Variants in PKN3 observed in about 807,000 individuals in gnomAD.
PKN3 encodes serine/threonine-protein kinase N3.
Under a neutral mutation model 113.1 loss-of-function variants are expected in PKN3, and 91 were observed. The ratio of observed to expected loss-of-function variants is 0.80; its 90% CI spans 0.68 to 0.96. PKN3 has a LOEUF of 0.96. PKN3 is among the 40% of genes least tolerant of loss of function. The pLI is 0.00. For missense variants in PKN3, 1,052 were observed against 1,202.2 expected, an observed-to-expected ratio of 0.88 and a Z score of 1.85; for synonymous variants, 467 against 499.0, an observed-to-expected ratio of 0.94 and a Z score of 0.85.
Position 128,720,758 on chromosome 9 carries a change from C to A in PKN3, c.*152C>A, listed in dbSNP as rs115703206. The A allele has an allele frequency of 9.4e-4, 646 of 688,540 alleles. 3 individuals carry two copies. In the African/African-American group the frequency reaches 0.011, roughly 11 times the overall value. The allele number at this position is 688,540 out of a possible 1,614,324, so 42.7% of individuals were successfully genotyped here. A position where few individuals can be genotyped will look rare whatever the true frequency, so the allele number is the denominator to read the frequency against. ...GCAGCCATGGGGCCACTGTTGTGGG[C>A]TTTGCTCAGTGTCACTGGGCAAAGT... On this transcript the variant is annotated 3_prime_UTR_variant, in exon 22 of 22. Coordinates refer to ENST00000291906, the MANE Select transcript of PKN3 (RefSeq NM_013355.5). This position sits in a 1 kb window ranked among gnomAD's most constrained non-coding sequence, Gnocchi z 5.5.
At chr9:128,710,916 A>G (rs1002674044) in intron 6 of PKN3, among the ~76,000 whole-genome samples, 6 of 152,136 alleles carry the variant, frequency 3.9e-5, no homozygotes, top group African/African-American at 9.7e-5. Flanking sequence ...CTAGAAGTCA[A>G]CTACTCAAGG....
chr9:128,720,634 T>C lies in PKN3; in HGVS notation c.*28T>C. ...GCATCTCCTGGCACCTCTGTCCCCT[T>C]CCCCCACAGACTGTTAGAGCCTCTG... On this transcript the variant is annotated 3_prime_UTR_variant, in exon 22 of 22. Coordinates refer to ENST00000291906, the MANE Select transcript of PKN3 (RefSeq NM_013355.5). The surrounding 1 kb of genome is among the most constrained non-coding windows in gnomAD (Gnocchi z 5.5). 1.3e-6 allele frequency: 2 copies of C among 1,583,620 alleles called. No homozygotes were observed. The highest frequency in any genetic ancestry group is 1.7e-6 in the Non-Finnish European group (2 of 1,156,596).
Position 128,705,450 on chromosome 9 carries a change from C to T in PKN3, c.172C>T (p.Arg58Trp), listed in dbSNP as rs548837083. Residue 58 changes from arginine to tryptophan, a missense_variant, in exon 2 of 22, where the codon CGG (arginine) becomes TGG (tryptophan). Arg to Trp is a moderately radical substitution (Grantham distance 101, BLOSUM62 -3). Transcript: ENST00000291906. ...CTTGGGCCATGTGCAGCAGCTGCTG[C>T]GGTCCTCCAACCGCCGCCTGGAGCA... ...RHLGHVQQLL[R>W]SSNRRLEQLH... The T allele has an allele frequency of 1.5e-5, 24 of 1,578,558 alleles. No homozygotes were observed. The highest frequency in any genetic ancestry group is 4.6e-5 in the South Asian group (4 of 86,612).
In PKN3 at chr9:128,715,378, G is replaced by A; in HGVS notation, c.1726G>A (p.Val576Ile). 1 of 1,613,948 alleles carries A rather than the reference G, an allele frequency of 6.2e-7. No individual in the cohort carries two copies. Among genetic ancestry groups the A allele is most frequent in the Non-Finnish European group, 8.5e-7 (1 of 1,179,904 alleles). The change falls in exon 15 of 22, where the codon GTC (valine) becomes ATC (isoleucine). Residue 576 changes from valine to isoleucine, a missense_variant. By Grantham distance (29) the Val-to-Ile change is conservative. Transcript: ENST00000291906. This position sits in a 1 kb window ranked among gnomAD's most constrained non-coding sequence, Gnocchi z 4.1. ...CTCTCTCTGGCCCCAGGTCCTCCTGGTCCAGTTCAAGGGGACAGGGAAATA... is the reference window on the plus strand; with the variant it reads ...CTCTCTCTGGCCCCAGGTCCTCCTGATCCAGTTCAAGGGGACAGGGAAATA... ...GRGHFGKVLLVQFKGTGKYYA... is the reference protein window; with the variant it reads ...GRGHFGKVLLIQFKGTGKYYA...
intron 1 of PKN3, 130 bp downstream of exon 1, chr9:128,703,069 T>C (rs955561978): frequency 7.6e-6 from 5 of 654,234 alleles, no homozygotes; most frequent in Admixed American, 4.2e-5. Flanking sequence ...GCCCCTGCCC[T>C]GGCCCCGGCC....
At position 128,719,962 on chromosome 9, in the gene PKN3, T is replaced by A; in HGVS notation, c.2321T>A (p.Met774Lys). Residue 774 changes from methionine to lysine, a missense_variant, in exon 20 of 22, where the codon ATG becomes AAG. By Grantham distance (95) the Met-to-Lys change is moderately conservative. Around this residue, in one of 2 missense-constraint regions of PKN3, gnomAD observed 333 missense variants for 442.8 expected, o/e 0.75. Transcript: ENST00000291906. ...EEEVFDCIVN[M>K]DAPYPGFLSV... ...GAGGTGTTTGACTGCATCGTCAACA[T>A]GGACGCCCCCTACCCCGGCTTTCTG... The A allele has an allele frequency of 6.2e-7, 1 of 1,614,112 alleles. No homozygotes were observed. Among genetic ancestry groups the A allele is most frequent in the Non-Finnish European group, 8.5e-7 (1 of 1,180,008 alleles).
At chr9:128,704,146 G>T in intron 1 of PKN3, 1 of 985,382 alleles carries the variant, frequency 1.0e-6, no homozygotes, top group Non-Finnish European at 1.2e-6. Flanking sequence ...TGGGGTTCCT[G>T]CAACAGCCCG....
At position 128,702,879 on chromosome 9, in the gene PKN3, G is replaced by A. The variant is rs1480847473; in HGVS notation, c.-37G>A. 6.9e-7 allele frequency: 1 copy of A among 1,456,856 alleles called. No individual in the cohort carries two copies. The highest frequency in any genetic ancestry group is 1.3e-5 in the South Asian group (1 of 79,462). The allele number at this position is 1,456,856 out of a possible 1,614,324, so 90.2% of individuals were successfully genotyped here. On this transcript the variant is annotated 5_prime_UTR_variant, in exon 1 of 22. Coordinates refer to ENST00000291906, the MANE Select transcript of PKN3 (RefSeq NM_013355.5). ...GGTCTGCGGCTTCCGGGACCGGAGT[G>A]GCTGAGAGAAGGGCCCCAAGCGGCC...
chr9:128,705,248 T>A, intron 1 of PKN3, 55 bp from the exon 2 acceptor site: 2 of 1,542,582 alleles, frequency 1.3e-6, no homozygotes, highest in South Asian at 2.4e-5. Flanking sequence ...AGGCTGCTGG[T>A]GGCCGCTGCA....
Position 128,715,683 on chromosome 9 carries a change from C to T in PKN3, c.1808+223C>T, listed in dbSNP as rs1427984584. ...AAATGGGGGCATTGGTGGCTGTGCA[C>T]GTTCAGAGCTCCTTGTGAGCCCCTG... is the stretch of plus-strand genomic sequence containing the variant. On this transcript the variant is annotated intron_variant, in intron 15 of 21. Transcript: ENST00000291906. This position sits in a 1 kb window ranked among gnomAD's most constrained non-coding sequence, Gnocchi z 4.1. 6.6e-6 allele frequency among the ~76,000 whole-genome samples: 1 copy of T among 152,162 alleles called. No individual in the cohort carries two copies.
Position 128,714,052 on chromosome 9 carries a change from T to C in PKN3, c.1243T>C (p.Phe415Leu). The C allele has an allele frequency of 6.2e-7, 1 of 1,614,050 alleles. No individual in the cohort carries two copies. The highest frequency in any genetic ancestry group is 8.5e-7 in the Non-Finnish European group (1 of 1,179,964). Residue 415 changes from phenylalanine to leucine, a missense_variant, in exon 10 of 22, where the codon TTC (phenylalanine) becomes CTC (leucine). This residue lies in a region of PKN3 where 719 missense variants were observed against 759.4 expected (regional missense o/e 0.95). Coordinates refer to ENST00000291906, the MANE Select transcript of PKN3 (RefSeq NM_013355.5). ...CCTGCCCCTACCCCTGCAGGTGACC[T>C]TCTGCGATCCTGTCATTGAGAGGCG... ...PQGLLFAQVT[F>L]CDPVIERRPR...
At chr9:128,712,857 A>G (rs1472195068) in intron 6 of PKN3, among the ~76,000 whole-genome samples, 195 bp from the exon 7 acceptor site, 1 of 152,132 alleles carries the variant, frequency 6.6e-6, no homozygotes, top group Non-Finnish European at 1.5e-5. Context: ...CAGGACAGTC[A>G]GCAGGCTCCA....
At position 128,706,789 on chromosome 9, in the gene PKN3, TCAGCAG is replaced by T; in HGVS notation, c.490_495del (p.Ser164_Ser165del). 2 of 1,610,786 alleles carry T rather than the reference TCAGCAG, an allele frequency of 1.2e-6. No homozygotes were observed. Among genetic ancestry groups the T allele is most frequent in the Non-Finnish European group, 1.7e-6 (2 of 1,178,126 alleles). ...AAGGTGGCCCTGCTGCGGATGAAGA[TCAGCAG>T]CCTGGAGGCCAGTGGGTCCCCGGAG... On this transcript the variant is annotated inframe_deletion, in exon 4 of 22. Coordinates refer to ENST00000291906, the MANE Select transcript of PKN3 (RefSeq NM_013355.5).
intron 9 of PKN3, among the ~76,000 whole-genome samples, 194 bp downstream of exon 9, chr9:128,713,836 C>T (rs1482401919): frequency 6.6e-6 from 1 of 152,230 alleles, no homozygotes; most frequent in Non-Finnish European, 1.5e-5. Context: ...TGCCCTGCCT[C>T]AGGTGTGACC....
At chr9:128,716,986 C>T in intron 16 of PKN3, 63 bp downstream of exon 16, 2 of 1,375,260 alleles carry the variant, frequency 1.5e-6, no homozygotes, top group Non-Finnish European at 2.1e-6. Flanking sequence ...TACACCCACT[C>T]TCTACATACT....
intron 18 of PKN3, 68 bp downstream of exon 18, chr9:128,718,693 G>A: frequency 7.1e-7 from 1 of 1,403,340 alleles, no homozygotes; most frequent in Non-Finnish European, 1.0e-6. Context: ...AGGATGATGG[G>A]CACATGGCAT....
At chr9:128,703,639 T>C (rs1661508507) in intron 1 of PKN3, 1 of 984,612 alleles carries the variant, frequency 1.0e-6, no homozygotes, top group African/African-American at 1.8e-5. Context: ...CGGACAGGAG[T>C]GGGTCCCCGC....
intron 16 of PKN3, among the ~76,000 whole-genome samples, chr9:128,717,771 A>G (rs1487107764): frequency 7.0e-6 from 1 of 143,816 alleles, no homozygotes; most frequent in East Asian, 2.1e-4. Flanking sequence ...TGTAATCCCC[A>G]CACTTTGGGA....
chr9:128,718,644 G>C lies in PKN3; in HGVS notation c.2125+19G>C, dbSNP rs754539564. On this transcript the variant is annotated intron_variant, in intron 18 of 21. Coordinates refer to ENST00000291906, the MANE Select transcript of PKN3 (RefSeq NM_013355.5). ...AAGGAAGGTGGGGGCCGCCCATTGG[G>C]ATCCATATCTCCAGCCTTGTTTACC... The C allele has an allele frequency of 3.2e-5, 52 of 1,611,594 alleles. 1 individual carries two copies. The highest frequency in any genetic ancestry group is 6.7e-5 in the Admixed American group (4 of 59,978).
Sources: gnomAD v4.1 joint callset for allele counts (sites outside exome capture counted in the v4.1 genomes callset) on GRCh38, gnomAD v4.1.1 for gene constraint, gnomAD v4.1.1 regional missense constraint, Gnocchi (gnomAD v3.1) non-coding constraint, MANE v1.5 for transcripts, NCBI Gene and HGNC (gene_info 2026-07-23, HGNC 2026-07-21) for gene names.